Variants in IL1RAPL2 observed in about 807,000 individuals in gnomAD.
IL1RAPL2 encodes the protein interleukin 1 receptor accessory protein like 2, also known as X-linked interleukin-1 receptor accessory protein-like 2.
Under a neutral mutation model 44.1 loss-of-function variants are expected in IL1RAPL2, and 3 were observed. That is an observed-to-expected ratio of 0.07 (90% CI 0.03 to 0.18). The LOEUF (loss-of-function observed/expected upper bound fraction) is 0.18, where lower values mean the gene tolerates loss of function less well. Ranked by LOEUF, IL1RAPL2 falls within the 10% of genes least tolerant of loss-of-function variation. IL1RAPL2 has a pLI of 1.00. For synonymous variants in IL1RAPL2, 181 were observed against 178.8 expected, an observed-to-expected ratio of 1.01 and a Z score of -0.10; for missense variants, 391 against 496.4, an observed-to-expected ratio of 0.79 and a Z score of 2.02.
At chrX:105,620,662 GA>G (rs1206445892) in intron 6 of IL1RAPL2, among the ~76,000 whole-genome samples, 1 of 108,346 alleles carries the variant, frequency 9.2e-6, no homozygotes, top group African/African-American at 3.4e-5. Context: ...AGTAGAAAAG[GA>G]AAAAAAATTC....
In IL1RAPL2 at chrX:105,450,907, A is replaced by AGTGTGTGT. The variant is rs747929543; in HGVS notation, c.698-33378_698-33371dup. Among the ~76,000 whole-genome samples, 912 of 94,146 alleles carry AGTGTGTGT rather than the reference A, an allele frequency of 9.7e-3. 13 individuals carry two copies. Among genetic ancestry groups the AGTGTGTGT allele is most frequent in the African/African-American group, 0.033 (857 of 26,037 alleles). The allele number at this position is 94,146 out of a possible 115,157, so 81.8% of individuals were successfully genotyped here. On this transcript the variant is annotated intron_variant, in intron 5 of 10. Transcript: ENST00000372582. ...AGACCACAACTCAGTCTTAGGTCCG[A>AGTGTGTGT]GTGTGTGTGTGTGTGTGTGTGTGTG...
intron 2 of IL1RAPL2, among the ~76,000 whole-genome samples, chrX:104,774,500 A>G (rs1932688419): frequency 8.9e-6 from 1 of 111,739 alleles, no homozygotes; most frequent in Non-Finnish European, 1.9e-5. Context: ...TTTATAAATG[A>G]TACCAGTGCC....
chrX:104,750,312 G>C (rs1273846499), intron 2 of IL1RAPL2, among the ~76,000 whole-genome samples: 2 of 111,231 alleles, frequency 1.8e-5, no homozygotes, highest in Non-Finnish European at 3.8e-5. Flanking sequence ...GCAGTTGGAG[G>C]GGGATGAGGT....
chrX:105,073,406 G>A (rs748349997), intron 2 of IL1RAPL2, among the ~76,000 whole-genome samples: 3 of 109,506 alleles, frequency 2.7e-5, no homozygotes, highest in Admixed American at 9.8e-5. Context: ...AGTATTCCAC[G>A]GTGTATATGT....
rs753494292 is a variant in IL1RAPL2 at position 104,879,365 on chromosome X, T to TAAAAAAAAAAAAAAAAAAAAAAAAAA, written c.82+220389_82+220390insAAAAAAAAAAAAAAAAAAAAAAAAAA. ...TGTAAAAGAGACCAAGCAAAACTAG[T>TAAAAAAAAAAAAAAAAAAAAAAAAAA]AAAAAAAAAAAAAAAAAAAGAGTGC... is the stretch of plus-strand genomic sequence containing the variant. On this transcript the variant is annotated intron_variant, in intron 2 of 10. Coordinates refer to ENST00000372582, the MANE Select transcript of IL1RAPL2 (RefSeq NM_017416.2). Among the ~76,000 whole-genome samples the TAAAAAAAAAAAAAAAAAAAAAAAAAA allele has an allele frequency of 3.9e-4, 12 of 31,027 alleles. 1 individual carries two copies. The highest frequency in any genetic ancestry group is 1.7e-3 in the African/African-American group (9 of 5,383). The allele number at this position is 31,027 out of a possible 115,157, so 26.9% of individuals were successfully genotyped here. A position where few individuals can be genotyped will look rare whatever the true frequency, so the allele number is the denominator to read the frequency against.
chrX:104,917,397 A>C (rs1397941931), intron 2 of IL1RAPL2, among the ~76,000 whole-genome samples: 1 of 112,292 alleles, frequency 8.9e-6, no homozygotes, highest in African/African-American at 3.2e-5. Context: ...CTAACTTTGC[A>C]AAAGAAGATT....
At chrX:104,817,232 G>A (rs770857944) in intron 2 of IL1RAPL2, among the ~76,000 whole-genome samples, 35 of 112,584 alleles carry the variant, frequency 3.1e-4, no homozygotes, top group Non-Finnish European at 6.2e-4. Context: ...AGGGTCTTAT[G>A]AGCTACAGCC....
chrX:105,396,937 G>A (rs1229562676), intron 5 of IL1RAPL2, among the ~76,000 whole-genome samples: 3 of 111,284 alleles, frequency 2.7e-5, no homozygotes, highest in East Asian at 5.7e-4. Flanking sequence ...AGCTTCATCT[G>A]TATTTACAGC....
chrX:104,827,989 T>A (rs1283763349), intron 2 of IL1RAPL2, among the ~76,000 whole-genome samples: 1 of 112,012 alleles, frequency 8.9e-6, no homozygotes, highest in Non-Finnish European at 1.9e-5. Flanking sequence ...TCATTTATGT[T>A]CTTCTCTAAA....
chrX:104,970,038 A>G, intron 2 of IL1RAPL2, among the ~76,000 whole-genome samples: 1 of 111,128 alleles, frequency 9.0e-6, no homozygotes, highest in Non-Finnish European at 1.9e-5. Context: ...GAAGATGGAA[A>G]TATCCTACAA....
At chrX:105,620,150 A>T (rs2037409409) in intron 6 of IL1RAPL2, among the ~76,000 whole-genome samples, 1 of 111,485 alleles carries the variant, frequency 9.0e-6, no homozygotes, top group Admixed American at 9.6e-5. Flanking sequence ...GTCCTCATTA[A>T]AATGAAGGGA....
intron 2 of IL1RAPL2, among the ~76,000 whole-genome samples, chrX:105,042,137 T>C (rs1174021559): frequency 9.0e-6 from 1 of 111,104 alleles, no homozygotes; most frequent in Non-Finnish European, 1.9e-5. Flanking sequence ...GAAGAAAACC[T>C]AGGCAATACC....
At chrX:104,994,586 CTT>C (rs1011025462) in intron 2 of IL1RAPL2, among the ~76,000 whole-genome samples, 16 of 111,411 alleles carry the variant, frequency 1.4e-4, no homozygotes, top group African/African-American at 4.9e-4. Flanking sequence ...CTTAAAATAA[CTT>C]TTACATAGTC....
At chrX:105,084,623 A>G (rs1457375874) in intron 2 of IL1RAPL2, among the ~76,000 whole-genome samples, 1 of 112,646 alleles carries the variant, frequency 8.9e-6, no homozygotes, top group East Asian at 2.8e-4. Context: ...TTGGTTTTGC[A>G]GCCTCATAGG....
chrX:105,283,278 T>G (rs746650079), intron 5 of IL1RAPL2, among the ~76,000 whole-genome samples: 12 of 111,582 alleles, frequency 1.1e-4, no homozygotes, highest in Non-Finnish European at 1.9e-4. Context: ...CATGTATAAT[T>G]ATATATTGCA....
intron 5 of IL1RAPL2, among the ~76,000 whole-genome samples, chrX:105,315,609 T>TATA (rs1216258132): frequency 2.0e-4 from 14 of 69,828 alleles, no homozygotes; most frequent in Non-Finnish European, 3.9e-4. Flanking sequence ...TATGGTTTTA[T>TATA]TAAGTATTAA....
chrX:105,248,709 A>G lies in IL1RAPL2; in HGVS notation c.543+14705A>G, dbSNP rs6616578. ...ATTTAAATAGACATTTCTCAAAAGAAGACATACAGATGGGAAACAGACATA... is the reference window on the plus strand; with the variant it reads ...ATTTAAATAGACATTTCTCAAAAGAGGACATACAGATGGGAAACAGACATA... On this transcript the variant is annotated intron_variant, in intron 4 of 10. Transcript: ENST00000372582. Among the ~76,000 whole-genome samples the G allele has an allele frequency of 4.2e-3, 471 of 111,864 alleles. 2 individuals carry two copies. Among genetic ancestry groups the G allele is most frequent in the African/African-American group, 0.014 (438 of 30,868 alleles).
At chrX:104,932,612 G>A (rs762911779) in intron 2 of IL1RAPL2, among the ~76,000 whole-genome samples, 13 of 111,975 alleles carry the variant, frequency 1.2e-4, no homozygotes, top group Non-Finnish European at 2.4e-4. Context: ...TATGGGCTGA[G>A]GATGTACATG....
intron 6 of IL1RAPL2, among the ~76,000 whole-genome samples, chrX:105,557,648 A>G (rs145295647): frequency 1.8e-5 from 2 of 111,506 alleles, no homozygotes; most frequent in African/African-American, 6.5e-5. Flanking sequence ...TCCATCCTGG[A>G]GCACAACTCC....
Sources: gnomAD v4.1 joint callset for allele counts (sites outside exome capture counted in the v4.1 genomes callset) on GRCh38, gnomAD v4.1.1 for gene constraint, MANE v1.5 for transcripts, NCBI Gene and HGNC (gene_info 2026-07-23, HGNC 2026-07-21) for gene names.